Variants in CHCHD6 observed in about 807,000 individuals in gnomAD.
CHCHD6 encodes coiled-coil-helix-coiled-coil-helix domain containing 6, also known as MICOS complex subunit MIC25.
A neutral mutation model predicts 32.3 loss-of-function variants in CHCHD6; 28 were observed. The observed-to-expected ratio is 0.87, with a 90% CI of 0.64 to 1.19. The LOEUF (loss-of-function observed/expected upper bound fraction) is 1.19. Ranked by LOEUF, CHCHD6 falls within the 50% of genes most tolerant of loss-of-function variation. The probability of loss-of-function intolerance (pLI) is 0.00; values close to 1 mark genes in which losing one functional copy is unlikely to be tolerated. For synonymous variants in CHCHD6, 122 were observed against 117.5 expected, an observed-to-expected ratio of 1.04 and a Z score of -0.25; for missense variants, 333 against 307.0, an observed-to-expected ratio of 1.08 and a Z score of -0.63.
At chr3:126,739,756 T>TA (rs1936209927) in intron 4 of CHCHD6, among the ~76,000 whole-genome samples, 1 of 152,214 alleles carries the variant, frequency 6.6e-6, no homozygotes, top group South Asian at 2.1e-4. Context: ...TCTGCTGAAA[T>TA]ACCCCATCTC....
intron 4 of CHCHD6, among the ~76,000 whole-genome samples, chr3:126,804,028 A>G (rs1020549916): frequency 1.3e-5 from 2 of 152,232 alleles, no homozygotes; most frequent in African/African-American, 2.4e-5. Flanking sequence ...GAACAAAGAC[A>G]TAACATACCA....
At chr3:126,882,390 G>C (rs975499967) in intron 5 of CHCHD6, among the ~76,000 whole-genome samples, 3 of 152,236 alleles carry the variant, frequency 2.0e-5, no homozygotes, top group Non-Finnish European at 4.4e-5. Flanking sequence ...AGAGGAAGGT[G>C]CTGTGAAGAT....
At chr3:126,807,257 A>C (rs949157950) in intron 4 of CHCHD6, among the ~76,000 whole-genome samples, 1 of 152,156 alleles carries the variant, frequency 6.6e-6, no homozygotes, top group Non-Finnish European at 1.5e-5. Flanking sequence ...AAACACACAG[A>C]GAAAAAAGGA....
At chr3:126,842,242 T>TA (rs1013312532) in intron 4 of CHCHD6, among the ~76,000 whole-genome samples, 32 of 152,094 alleles carry the variant, frequency 2.1e-4, no homozygotes, top group African/African-American at 4.3e-4. Flanking sequence ...GTCTTTTTTT[T>TA]AAAAAAAAGA....
chr3:126,708,345 T>C (rs1011672322), intron 1 of CHCHD6, among the ~76,000 whole-genome samples: 8 of 152,154 alleles, frequency 5.3e-5, no homozygotes, highest in Non-Finnish European at 1.0e-4. Context: ...CCCATGTGCT[T>C]GGCAGCCACA....
At chr3:126,708,631 T>C (rs1934611685) in intron 1 of CHCHD6, among the ~76,000 whole-genome samples, 1 of 142,514 alleles carries the variant, frequency 7.0e-6, no homozygotes, top group African/African-American at 2.7e-5. Context: ...GAGTCCAGTG[T>C]AGCAAGACCC....
intron 4 of CHCHD6, among the ~76,000 whole-genome samples, chr3:126,807,925 T>C (rs916490186): frequency 3.9e-5 from 6 of 152,216 alleles, no homozygotes; most frequent in Non-Finnish European, 5.9e-5. Flanking sequence ...ATAGTCAATA[T>C]GTAAGTGAGT....
chr3:126,766,740 T>C, intron 4 of CHCHD6: 1 of 1,159,060 alleles, frequency 8.6e-7, no homozygotes, highest in South Asian at 1.2e-5. Context: ...CTTTTGGGTA[T>C]GTGGTAGATT....
intron 4 of CHCHD6, among the ~76,000 whole-genome samples, chr3:126,736,558 G>A (rs147110638): frequency 5.9e-5 from 9 of 152,328 alleles, no homozygotes; most frequent in African/African-American, 1.4e-4. Context: ...CCTCTTCTGC[G>A]TAAGGGATTG....
chr3:126,788,541 G>A (rs180841354), intron 4 of CHCHD6, among the ~76,000 whole-genome samples: 18 of 152,158 alleles, frequency 1.2e-4, no homozygotes, highest in Middle Eastern at 6.8e-3. Flanking sequence ...GCTTCTTCCT[G>A]GTTTAGTCTT....
intron 4 of CHCHD6, among the ~76,000 whole-genome samples, chr3:126,799,016 G>C (rs941097973): frequency 6.6e-6 from 1 of 152,194 alleles, no homozygotes; most frequent in Non-Finnish European, 1.5e-5. Context: ...TCTGGTGCTG[G>C]TGAGGTGTTC....
intron 6 of CHCHD6, among the ~76,000 whole-genome samples, chr3:126,944,148 G>T (rs922922315): frequency 2.0e-5 from 3 of 152,260 alleles, no homozygotes; most frequent in African/African-American, 7.2e-5. Context: ...GGCAATAGGC[G>T]CTGAGCTGTG....
chr3:126,864,614 ACCACCTCCTTCTCCT>A (rs1353040914), intron 5 of CHCHD6, among the ~76,000 whole-genome samples: 1 of 129,104 alleles, frequency 7.7e-6, no homozygotes, highest in African/African-American at 3.0e-5. Context: ...CTCCACCTCC[ACCACCTCCTTCTCCT>A]CCACCACCAT....
chr3:126,759,468 C>G lies in CHCHD6; in HGVS notation c.411+26246C>G, dbSNP rs116060541. On this transcript the variant is annotated intron_variant, in intron 4 of 7. Transcript: ENST00000290913. ...ATTCCAAGATTCAGTCAAGGACATG[C>G]ATTTCTTATAGTTGCTGTGTCTCTT... 7.0e-3 allele frequency among the ~76,000 whole-genome samples: 1,067 copies of G among 152,282 alleles called. 13 individuals carry two copies. Among genetic ancestry groups the G allele is most frequent in the African/African-American group, 0.025 (1,022 of 41,560 alleles).
chr3:126,927,579 C>T (rs2078343161), intron 6 of CHCHD6, among the ~76,000 whole-genome samples: 1 of 152,144 alleles, frequency 6.6e-6, no homozygotes, highest in African/African-American at 2.4e-5. Context: ...TTATTAATCC[C>T]CTCCCCTCGA....
chr3:126,868,467 T>C (rs2077418964), intron 5 of CHCHD6, among the ~76,000 whole-genome samples: 1 of 152,016 alleles, frequency 6.6e-6, no homozygotes, highest in Non-Finnish European at 1.5e-5. Flanking sequence ...AAATTGCTTA[T>C]ACTCGTCTTA....
Position 126,829,744 on chromosome 3 carries a change from G to C in CHCHD6, c.412-22903G>C, listed in dbSNP as rs1036981917. The stretch of plus-strand genomic sequence containing the variant: ...GCAAGTAGGAAGAGAGCCCTTACCA[G>C]ACATCAAATCTGCTGGCACATTGAT... On this transcript the variant is annotated intron_variant, in intron 4 of 7. Transcript: ENST00000290913. Among the ~76,000 whole-genome samples the C allele has an allele frequency of 2.6e-5, 4 of 152,278 alleles. No individual in the cohort carries two copies. The East Asian group carries it at 7.7e-4, about 29-fold the overall frequency.
At chr3:126,793,526 TG>T (rs1938649011) in intron 4 of CHCHD6, among the ~76,000 whole-genome samples, 1 of 152,102 alleles carries the variant, frequency 6.6e-6, no homozygotes, top group African/African-American at 2.4e-5. Context: ...CATAATGATA[TG>T]GGGTTGTCTT....
chr3:126,944,566 G>A (rs1035552306), intron 6 of CHCHD6, among the ~76,000 whole-genome samples: 3 of 152,244 alleles, frequency 2.0e-5, no homozygotes, highest in African/African-American at 7.2e-5. Flanking sequence ...GACCCTCTCA[G>A]GTGAGCAGGC....
Sources: gnomAD v4.1 joint callset for allele counts (sites outside exome capture counted in the v4.1 genomes callset) on GRCh38, gnomAD v4.1.1 for gene constraint, MANE v1.5 for transcripts, NCBI Gene and HGNC (gene_info 2026-07-23, HGNC 2026-07-21) for gene names.